Variants in PRKN observed in about 807,000 individuals in gnomAD.
PRKN encodes E3 ubiquitin-protein ligase parkin.
Under a neutral mutation model 59.5 loss-of-function variants are expected in PRKN, and 56 were observed. That is an observed-to-expected ratio of 0.94 (90% CI 0.76 to 1.18). The LOEUF is 1.18. Among genes scored for constraint, PRKN ranks in the 50% most tolerant of loss-of-function variants. PRKN has a pLI of 0.00. For synonymous variants in PRKN, 250 were observed against 222.1 expected (o/e 1.13, Z -1.12); for missense variants, 657 against 596.4 (o/e 1.10, Z -1.06).
chr6:162,022,373 C>T (rs934070532), intron 5 of PRKN, among the ~76,000 whole-genome samples: 1 of 152,124 alleles, frequency 6.6e-6, no homozygotes, highest in Non-Finnish European at 1.5e-5. Flanking sequence ...AATAGCCATT[C>T]TGACTGGTAT....
chr6:162,259,542 T>C (rs867423175), intron 3 of PRKN, among the ~76,000 whole-genome samples: 1 of 152,248 alleles, frequency 6.6e-6, no homozygotes, highest in African/African-American at 2.4e-5. Context: ...CTCTAGTAAC[T>C]TTACGCTATC....
rs763374668 is a variant in PRKN, at chr6:161,570,619, T to A, written c.872-1203A>T. 1.5e-4 allele frequency among the ~76,000 whole-genome samples: 23 copies of A among 152,040 alleles called. 1 individual carries two copies. The highest frequency in any genetic ancestry group is 2.8e-4 in the Non-Finnish European group (19 of 68,016). On this transcript the variant is annotated intron_variant, in intron 7 of 11. Coordinates refer to ENST00000366898, the MANE Select transcript of PRKN (RefSeq NM_004562.3). ...TTTCTCTTCCTGATGATTTTCTTAA[T>A]AACATTTTCCTTTCTCTATCTTACT...
chr6:161,455,342 C>T (rs576471441), intron 9 of PRKN, among the ~76,000 whole-genome samples: 5 of 152,086 alleles, frequency 3.3e-5, no homozygotes, highest in Non-Finnish European at 4.4e-5. Context: ...CGGCCTGACA[C>T]GCTGTGTTCT....
rs1437526428 is a variant in PRKN, at chr6:161,584,246, T to C, written c.872-14830A>G. Reference sequence around the variant, plus strand: ...GCAGGCAACATAATTATGAAAAATGTCTGTGCTCAATACAGCCTGTCCTTC... The same window carrying C: ...GCAGGCAACATAATTATGAAAAATGCCTGTGCTCAATACAGCCTGTCCTTC... On this transcript the variant is annotated intron_variant, in intron 7 of 11. Coordinates refer to ENST00000366898, the MANE Select transcript of PRKN (RefSeq NM_004562.3). This position sits in a 1 kb window ranked among gnomAD's most constrained non-coding sequence, Gnocchi z 4.8. Among the ~76,000 whole-genome samples the C allele has an allele frequency of 2.0e-5, 3 of 152,152 alleles. No individual in the cohort carries two copies. Among genetic ancestry groups the C allele is most frequent in the East Asian group, 1.9e-4 (1 of 5,192 alleles).
chr6:161,916,419 A>G (rs1295799145), intron 6 of PRKN, among the ~76,000 whole-genome samples: 2 of 152,234 alleles, frequency 1.3e-5, no homozygotes, highest in Non-Finnish European at 2.9e-5. Context: ...TGAAAAGCAA[A>G]CAAGTAAGTA....
chr6:161,963,028 A>T (rs537425044), intron 6 of PRKN, among the ~76,000 whole-genome samples: 28 of 152,256 alleles, frequency 1.8e-4, no homozygotes, highest in Admixed American at 1.6e-3. Flanking sequence ...CTTTAATCCC[A>T]GCTACTCAGG....
At chr6:162,684,071 C>T (rs1361852257) in intron 1 of PRKN, among the ~76,000 whole-genome samples, 1 of 152,020 alleles carries the variant, frequency 6.6e-6, no homozygotes, top group African/African-American at 2.4e-5. Flanking sequence ...AATACATTTC[C>T]CATTAGAATG....
intron 1 of PRKN, among the ~76,000 whole-genome samples, chr6:162,624,029 AC>A (rs1782780497): frequency 6.6e-6 from 1 of 152,134 alleles, no homozygotes. Flanking sequence ...TGGGCGGATC[AC>A]CTGAGGTCGG....
At chr6:162,166,743 G>A (rs73783433) in intron 4 of PRKN, among the ~76,000 whole-genome samples, 3,685 of 152,224 alleles carry the variant, frequency 0.024, 168 homozygotes, top group African/African-American at 0.084. Context: ...CTATCAAAAA[G>A]CAATCCTTAC....
Position 161,582,670 on chromosome 6 carries a change from G to A in PRKN, c.872-13254C>T, listed in dbSNP as rs1406871542. On this transcript the variant is annotated intron_variant, in intron 7 of 11. Coordinates refer to ENST00000366898, the MANE Select transcript of PRKN (RefSeq NM_004562.3). This position sits in a 1 kb window ranked among gnomAD's most constrained non-coding sequence, Gnocchi z 4.4. ...TCTCGATCTGCTGACCTCGTGATCT[G>A]CCCGCCTCGGCCTCCCAAAGTTCTG... Among the ~76,000 whole-genome samples, 16 of 152,106 alleles carry A rather than the reference G, an allele frequency of 1.1e-4. No individual in the cohort carries two copies. The South Asian group carries it at 2.3e-3, about 22-fold the overall frequency.
rs72163881 is a variant in PRKN at position 161,879,341 on chromosome 6, C to CTTTT, written c.735-93437_735-93434dup. Among the ~76,000 whole-genome samples, 528 of 112,206 alleles carry CTTTT rather than the reference C, an allele frequency of 4.7e-3. 23 individuals are homozygous for CTTTT. Among genetic ancestry groups the CTTTT allele is most frequent in the African/African-American group, 0.017 (482 of 27,804 alleles). 73.6% of individuals were successfully genotyped at this position (112,206 alleles called of 152,430 possible). A position where few individuals can be genotyped will look rare whatever the true frequency, so the allele number is the denominator to read the frequency against. ...TGTATGGTCATTATGACATTTCTGC[C>CTTTT]TTTTTTTTTTTTTTTTTTTTGAGAT... On this transcript the variant is annotated intron_variant, in intron 6 of 11. Transcript: ENST00000366898.
intron 7 of PRKN, among the ~76,000 whole-genome samples, chr6:161,616,410 T>C (rs77589945): frequency 1.1e-5 from 1 of 87,500 alleles, no homozygotes; most frequent in Non-Finnish European, 2.6e-5. Flanking sequence ...CCATGTGTTC[T>C]TTTTTTTTTT....
chr6:161,833,305 C>T (rs1451542417), intron 6 of PRKN, among the ~76,000 whole-genome samples: 3 of 152,126 alleles, frequency 2.0e-5, no homozygotes, highest in Non-Finnish European at 4.4e-5. Context: ...AAGTGCTTGC[C>T]CGGAGGCCTG....
chr6:161,969,915 G>C (rs1013978563), intron 6 of PRKN, among the ~76,000 whole-genome samples: 2 of 151,990 alleles, frequency 1.3e-5, no homozygotes, highest in Non-Finnish European at 2.9e-5. Context: ...TTTCATGGTT[G>C]TGTGACAAGG....
intron 7 of PRKN, among the ~76,000 whole-genome samples, chr6:161,664,011 G>A (rs1036768799): frequency 3.3e-5 from 5 of 152,162 alleles, no homozygotes; most frequent in African/African-American, 9.7e-5. Context: ...TCTGGGGCCC[G>A]CTTCCACACT....
Position 161,373,316 on chromosome 6 carries a change from T to C in PRKN, c.1168-13111A>G, listed in dbSNP as rs1785515172. Among the ~76,000 whole-genome samples the C allele has an allele frequency of 6.6e-6, 1 of 152,134 alleles. No individual in the cohort carries two copies. Among genetic ancestry groups the C allele is most frequent in the Non-Finnish European group, 1.5e-5 (1 of 68,032 alleles). ...CAACAACTGGGCTGTGTGGCCCAGC[T>C]ACATTGACACAGAAAATTACCCATC... On this transcript the variant is annotated intron_variant, in intron 10 of 11. Coordinates refer to ENST00000366898, the MANE Select transcript of PRKN (RefSeq NM_004562.3). The surrounding 1 kb of genome is among the most constrained non-coding windows in gnomAD (Gnocchi z 4.8).
At chr6:162,419,128 T>G (rs1252565662) in intron 2 of PRKN, among the ~76,000 whole-genome samples, 5 of 152,066 alleles carry the variant, frequency 3.3e-5, no homozygotes, top group Non-Finnish European at 5.9e-5. Context: ...ACTTCGACGT[T>G]CGTATTATTG....
At chr6:162,034,026 A>G (rs1373454871) in intron 5 of PRKN, among the ~76,000 whole-genome samples, 2 of 152,116 alleles carry the variant, frequency 1.3e-5, no homozygotes, top group Non-Finnish European at 2.9e-5. Flanking sequence ...AGTATAAACG[A>G]TCTTTGGGAA....
chr6:161,430,100 A>G (rs1788571301), intron 9 of PRKN, among the ~76,000 whole-genome samples: 1 of 152,182 alleles, frequency 6.6e-6, no homozygotes, highest in Non-Finnish European at 1.5e-5. Context: ...ACTTTAGGGA[A>G]TCTGAGTCTT....
Sources: allele counts gnomAD v4.1 joint callset (sites outside exome capture counted in the v4.1 genomes callset), GRCh38; gene constraint gnomAD v4.1.1; non-coding constraint Gnocchi (gnomAD v3.1); transcripts MANE v1.5; gene names NCBI Gene and HGNC (gene_info 2026-07-23, HGNC 2026-07-21).